LIMCH1: variants seen among roughly 807,000 people sequenced by gnomAD.
The protein encoded by LIMCH1 is LIM and calponin homology domains 1, also known as LIM and calponin homology domains-containing protein 1.
In LIMCH1, 113 loss-of-function variants were observed where a neutral mutation model predicts 176.5. The ratio of observed to expected loss-of-function variants is 0.64; its 90% confidence interval spans 0.55 to 0.75. LIMCH1 has a LOEUF of 0.75. Ranked by LOEUF, LIMCH1 falls within the 30% of genes least tolerant of loss-of-function variation. The pLI, the probability that LIMCH1 is intolerant of heterozygous loss-of-function variation, is 0.00. For missense variants in LIMCH1, 1,674 were observed against 1,814.9 expected, an observed-to-expected ratio of 0.92 and a Z score of 1.41; for synonymous variants, 619 against 645.9, an observed-to-expected ratio of 0.96 and a Z score of 0.63.
chr4:41,459,715 A>T (rs4576043), intron 1 of LIMCH1, among the ~76,000 whole-genome samples: 11,962 of 152,144 alleles, frequency 0.079, 1,125 homozygotes, highest in African/African-American at 0.22. Context: ...TAACAATAGC[A>T]AGAAGCTACC....
chr4:41,574,177 A>G, intron 1 of LIMCH1, among the ~76,000 whole-genome samples: 1 of 149,000 alleles, frequency 6.7e-6, no homozygotes, highest in Middle Eastern at 3.4e-3. Context: ...GAAAGATAAA[A>G]TGTGTTGAAG....
At chr4:41,575,570 T>C (rs1349210498) in intron 1 of LIMCH1, among the ~76,000 whole-genome samples, 1 of 152,238 alleles carries the variant, frequency 6.6e-6, no homozygotes, top group Non-Finnish European at 1.5e-5. Context: ...ATTTATATGA[T>C]TGTATATAAA....
At chr4:41,627,840 G>T (rs2093066018) in intron 8 of LIMCH1, among the ~76,000 whole-genome samples, 1 of 152,148 alleles carries the variant, frequency 6.6e-6, no homozygotes, top group African/African-American at 2.4e-5. Flanking sequence ...TTATTGAATT[G>T]TCATCTTTTT....
intron 31 of LIMCH1, among the ~76,000 whole-genome samples, chr4:41,695,520 T>G (rs1729953378): frequency 6.6e-6 from 1 of 152,110 alleles, no homozygotes; most frequent in African/African-American, 2.4e-5. Context: ...CATATATATT[T>G]AGGTCTATTT....
chr4:41,685,996 G>C (rs1378469212), intron 28 of LIMCH1, among the ~76,000 whole-genome samples, 166 bp downstream of exon 28: 1 of 152,158 alleles, frequency 6.6e-6, no homozygotes. Context: ...GGAAGTTTGG[G>C]TCAGTCTTTC....
Position 41,671,542 on chromosome 4 carries a change from T to C in LIMCH1, c.3398-12T>C. On this transcript the variant is annotated splice_polypyrimidine_tract_variant and intron_variant, in intron 21 of 31. Transcript: ENST00000503057. ...TTCATATCTTTTTTTTCTTTCTTTTTTTTCTGTGCAGTGGATTCTCCAAGC... is the reference window on the plus strand; with the variant it reads ...TTCATATCTTTTTTTTCTTTCTTTTCTTTCTGTGCAGTGGATTCTCCAAGC... 6.2e-7 allele frequency: 1 copy of C among 1,603,502 alleles called. No homozygotes were observed. Among genetic ancestry groups the C allele is most frequent in the Non-Finnish European group, 8.5e-7 (1 of 1,171,142 alleles).
chr4:41,592,269 A>G (rs763740969), intron 1 of LIMCH1, among the ~76,000 whole-genome samples: 1 of 152,334 alleles, frequency 6.6e-6, no homozygotes, highest in Non-Finnish European at 1.5e-5. Context: ...TGGATGAAAT[A>G]AGCTTTTCTG....
chr4:41,384,383 T>A (rs976643973), intron 1 of LIMCH1, among the ~76,000 whole-genome samples: 38 of 151,898 alleles, frequency 2.5e-4, no homozygotes, highest in Admixed American at 2.2e-3. Flanking sequence ...TTTTTTTTTT[T>A]ATTTTTAGTA....
intron 1 of LIMCH1, among the ~76,000 whole-genome samples, chr4:41,593,737 C>T (rs1584604576): frequency 6.6e-6 from 1 of 152,326 alleles, no homozygotes; most frequent in East Asian, 1.9e-4. Context: ...CGTTTGTTTA[C>T]ATATGATCTG....
chr4:41,445,429 A>G (rs1192212847), intron 1 of LIMCH1, among the ~76,000 whole-genome samples: 3 of 152,250 alleles, frequency 2.0e-5, no homozygotes, highest in Non-Finnish European at 4.4e-5. Flanking sequence ...ACTTAGGCAG[A>G]AAGCCATTGC....
At chr4:41,526,342 T>C (rs1236585323) in intron 3 of LIMCH1, among the ~76,000 whole-genome samples, 1 of 150,352 alleles carries the variant, frequency 6.7e-6, no homozygotes, top group Non-Finnish European at 1.5e-5. Flanking sequence ...TCTTAACTAA[T>C]TTATCATCTT....
chr4:41,526,908 C>CA, intron 3 of LIMCH1, among the ~76,000 whole-genome samples: 1 of 152,350 alleles, frequency 6.6e-6, no homozygotes, highest in East Asian at 1.9e-4. Flanking sequence ...CCATCCTCAT[C>CA]TCTTGCCTGG....
intron 1 of LIMCH1, among the ~76,000 whole-genome samples, chr4:41,441,211 G>C (rs2062666355): frequency 6.6e-6 from 1 of 152,094 alleles, no homozygotes; most frequent in South Asian, 2.1e-4. Context: ...TAGTTTTATA[G>C]TAATCAATGA....
chr4:41,428,488 G>C (rs888732647), intron 1 of LIMCH1, among the ~76,000 whole-genome samples: 35 of 152,140 alleles, frequency 2.3e-4, no homozygotes, highest in Non-Finnish European at 8.8e-5. Flanking sequence ...CAAATGAGAA[G>C]AGCTGATAGG....
At chr4:41,399,874 G>A (rs1238426590) in intron 1 of LIMCH1, among the ~76,000 whole-genome samples, 1 of 137,472 alleles carries the variant, frequency 7.3e-6, no homozygotes, top group Non-Finnish European at 1.5e-5. Flanking sequence ...AGTAGAGATG[G>A]GGTTTCACCA....
chr4:41,525,916 A>T (rs944383590), intron 3 of LIMCH1, among the ~76,000 whole-genome samples: 4 of 152,176 alleles, frequency 2.6e-5, no homozygotes, highest in African/African-American at 9.6e-5. Context: ...AATTTGCAGC[A>T]TAAAACTAAG....
chr4:41,698,936 C>T lies in LIMCH1; in HGVS notation c.*1751C>T, dbSNP rs996659263. 1 of 152,028 alleles carries T rather than the reference C, an allele frequency of 6.6e-6. No homozygotes were observed. The highest frequency in any genetic ancestry group is 2.4e-5 in the African/African-American group (1 of 41,248). The allele number at this position is 152,028 out of a possible 1,614,324, so 9.4% of individuals were successfully genotyped here. ...GAGAGATGAAGTCACTTCCAAGTTT[C>T]CAAGACTTCTCATGGAGGTGTTTGC... On this transcript the variant is annotated 3_prime_UTR_variant, in exon 32 of 32. Transcript: ENST00000503057.
chr4:41,684,595 C>A (rs1359623938), intron 27 of LIMCH1, 77 bp downstream of exon 27: 1 of 1,514,954 alleles, frequency 6.6e-7, no homozygotes, highest in Non-Finnish European at 9.0e-7. Context: ...AAGCTATGAT[C>A]TCTGCTGGCT....
At chr4:41,540,598 G>A (rs2078505219) in intron 1 of LIMCH1, among the ~76,000 whole-genome samples, 1 of 152,132 alleles carries the variant, frequency 6.6e-6, no homozygotes, top group African/African-American at 2.4e-5. Flanking sequence ...AGTTAGCCGG[G>A]TGTGGTGATG....
Sources: allele counts gnomAD v4.1 joint callset (sites outside exome capture counted in the v4.1 genomes callset), GRCh38; gene constraint gnomAD v4.1.1; transcripts MANE v1.5; gene names NCBI Gene and HGNC (gene_info 2026-07-23, HGNC 2026-07-21).